OPHN1: variants seen among roughly 807,000 people sequenced by gnomAD.
OPHN1 encodes oligophrenin-1.
Under a neutral mutation model 60.7 loss-of-function variants are expected in OPHN1, and 11 were observed. The observed-to-expected ratio is 0.18, with a 90% confidence interval of 0.11 to 0.30. OPHN1 has a LOEUF of 0.30. Ranked by LOEUF, OPHN1 falls within the 10% of genes least tolerant of loss-of-function variation. The pLI is 1.00. For synonymous variants in OPHN1, 226 were observed against 222.6 expected (o/e 1.02, Z -0.14); for missense variants, 449 against 611.0 (o/e 0.73, Z 2.80).
intron 15 of OPHN1, among the ~76,000 whole-genome samples, chrX:68,152,299 C>A (rs1395606972): frequency 1.8e-5 from 2 of 110,728 alleles, no homozygotes; most frequent in Non-Finnish European, 3.8e-5. Flanking sequence ...CCCAAATTGA[C>A]AAAGTTTCTT....
chrX:68,085,578 C>A (rs555140104), intron 19 of OPHN1, among the ~76,000 whole-genome samples: 1 of 111,607 alleles, frequency 9.0e-6, no homozygotes, highest in African/African-American at 3.3e-5. Context: ...GACATTGGTA[C>A]CTTAAAAACA....
At chrX:68,125,382 T>C (rs5964641) in intron 15 of OPHN1, among the ~76,000 whole-genome samples, 1,750 of 110,727 alleles carry the variant, frequency 0.016, 50 homozygotes, top group African/African-American at 0.055. Flanking sequence ...TACAAAAAGA[T>C]CAATAAAACA....
chrX:68,150,640 T>C (rs1602192398), intron 15 of OPHN1, among the ~76,000 whole-genome samples: 2 of 111,519 alleles, frequency 1.8e-5, no homozygotes, highest in Non-Finnish European at 3.8e-5. Flanking sequence ...ACTAATGAAA[T>C]GGATTAGCAA....
intron 15 of OPHN1, among the ~76,000 whole-genome samples, chrX:68,130,536 T>C (rs773345762): frequency 2.7e-5 from 3 of 111,796 alleles, no homozygotes; most frequent in African/African-American, 9.7e-5. Context: ...TATTTTTGTA[T>C]CATAGTATAT....
At chrX:68,355,762 G>C (rs1172113244) in intron 2 of OPHN1, among the ~76,000 whole-genome samples, 1 of 112,055 alleles carries the variant, frequency 8.9e-6, no homozygotes, top group Non-Finnish European at 1.9e-5. Context: ...AGTGTGGCCA[G>C]GTGCTGACTC....
intron 15 of OPHN1, among the ~76,000 whole-genome samples, chrX:68,138,847 C>G (rs2077231290): frequency 8.9e-6 from 1 of 111,784 alleles, no homozygotes; most frequent in Non-Finnish European, 1.9e-5. Context: ...AATACAAACC[C>G]AGATAGTCTG....
intron 2 of OPHN1, 139 bp downstream of exon 2, chrX:68,432,728 C>G (rs1351592362): frequency 3.1e-6 from 2 of 655,209 alleles, no homozygotes; most frequent in Non-Finnish European, 4.8e-6. Context: ...TCTCCACTCC[C>G]CAAGTGTGGG....
Position 68,378,955 on chromosome X carries a change from T to C in OPHN1, c.154+53912A>G, listed in dbSNP as rs1437247234. Among the ~76,000 whole-genome samples the C allele has an allele frequency of 2.7e-5, 3 of 111,088 alleles. No individual in the cohort carries two copies. The Admixed American group carries it at 2.9e-4, about 11-fold the overall frequency. The stretch of plus-strand genomic sequence containing the variant: ...CCATATGAACTTTAAAGTAGTTTTT[T>C]CCAATTCTGTGAAGAAAGTCATTGG... On this transcript the variant is annotated intron_variant, in intron 2 of 24. Transcript: ENST00000355520.
intron 5 of OPHN1, among the ~76,000 whole-genome samples, chrX:68,256,093 C>A (rs2077861962): frequency 9.0e-6 from 1 of 111,191 alleles, no homozygotes; most frequent in Non-Finnish European, 1.9e-5. Flanking sequence ...GCGAATGCAC[C>A]AGATTTTATG....
intron 3 of OPHN1, among the ~76,000 whole-genome samples, chrX:68,294,862 G>A (rs2078087214): frequency 9.0e-6 from 1 of 111,634 alleles, no homozygotes; most frequent in Non-Finnish European, 1.9e-5. Flanking sequence ...CTGCTATTTG[G>A]GAGCACTCTA....
chrX:68,070,392 C>T, intron 20 of OPHN1: 1 of 501,299 alleles, frequency 2.0e-6, no homozygotes, highest in Non-Finnish European at 3.6e-6. Flanking sequence ...TTAAGGGTTC[C>T]TGGCACTGCA....
intron 24 of OPHN1, 66 bp downstream of exon 24, chrX:68,048,350 T>C: frequency 9.8e-7 from 1 of 1,018,359 alleles, no homozygotes; most frequent in Non-Finnish European, 1.4e-6. Context: ...GTCCTCAAAA[T>C]ATCAGATCCC....
At chrX:68,112,082 CACACACAGAG>C (rs1259309777) in intron 17 of OPHN1, 123 bp from the exon 18 acceptor site, 51 of 419,908 alleles carry the variant, frequency 1.2e-4, no homozygotes, top group Non-Finnish European at 1.9e-4. Flanking sequence ...CACACACACA[CACACACAGAG>C]AGAGATTCGG....
intron 6 of OPHN1, among the ~76,000 whole-genome samples, chrX:68,226,784 T>C (rs1373986163): frequency 9.0e-6 from 1 of 111,380 alleles, no homozygotes; most frequent in Non-Finnish European, 1.9e-5. Context: ...ACATGCCAAA[T>C]TGTAAAGACC....
At chrX:68,190,185 G>A (rs1602223974) in intron 15 of OPHN1, among the ~76,000 whole-genome samples, 1 of 111,720 alleles carries the variant, frequency 9.0e-6, no homozygotes, top group South Asian at 3.8e-4. Flanking sequence ...AATAAACTTA[G>A]AAGGAAGGTC....
At chrX:68,134,718 G>A (rs2077212204) in intron 15 of OPHN1, among the ~76,000 whole-genome samples, 1 of 110,025 alleles carries the variant, frequency 9.1e-6, no homozygotes, top group Non-Finnish European at 1.9e-5. Context: ...TACTTGGGAA[G>A]AGCCACTTCA....
rs2076822864 is a variant in OPHN1, at chrX:68,043,457, G to C, written c.*3715C>G. 1 of 109,518 alleles carries C rather than the reference G, an allele frequency of 9.1e-6. No individual in the cohort carries two copies. Among genetic ancestry groups the C allele is most frequent in the Non-Finnish European group, 1.9e-5 (1 of 52,703 alleles). The allele number at this position is 109,518 out of a possible 1,213,427, so 9.0% of individuals were successfully genotyped here. A position where few individuals can be genotyped will look rare whatever the true frequency, so the allele number is the denominator to read the frequency against. The stretch of plus-strand genomic sequence containing the variant: ...ATTTCTGATGTTTTTTTCCAGGCTT[G>C]TAATGTGTCAAGGCCACTTATCTGC... On this transcript the variant is annotated 3_prime_UTR_variant, in exon 25 of 25. Transcript: ENST00000355520.
intron 15 of OPHN1, among the ~76,000 whole-genome samples, chrX:68,142,540 G>C (rs2077247857): frequency 8.9e-6 from 1 of 111,798 alleles, no homozygotes. Flanking sequence ...CAGTTATTAA[G>C]GAATGAAATT....
intron 2 of OPHN1, among the ~76,000 whole-genome samples, chrX:68,350,609 G>A (rs1157726954): frequency 1.9e-5 from 2 of 104,556 alleles, no homozygotes; most frequent in African/African-American, 7.0e-5. Context: ...TTGAACTCCT[G>A]GACTCAAGAC....
Sources: gnomAD v4.1 joint callset for allele counts (sites outside exome capture counted in the v4.1 genomes callset) on GRCh38, gnomAD v4.1.1 for gene constraint, MANE v1.5 for transcripts, NCBI Gene and HGNC (gene_info 2026-07-23, HGNC 2026-07-21) for gene names.